The following USP9X variants were observed in gnomAD, a reference collection of about 807,000 sequenced individuals.
USP9X encodes ubiquitin specific peptidase 9 X-linked.
Under a neutral mutation model 190.3 loss-of-function variants are expected in USP9X, and 7 were observed. The observed-to-expected ratio is 0.04, with a 90% CI of 0.02 to 0.07. USP9X has a LOEUF of 0.07. USP9X is among the 10% of genes least tolerant of loss of function. USP9X has a pLI of 1.00. For missense variants in USP9X, 1,010 were observed against 1,916.9 expected, an observed-to-expected ratio of 0.53 and a Z score of 8.83; for synonymous variants, 645 against 659.5, an observed-to-expected ratio of 0.98 and a Z score of 0.34.
Position 41,184,582 on chromosome X carries a change from C to G in USP9X, c.3465C>G (p.Ala1155=), listed in dbSNP as rs768974141. The part of the protein sequence containing the change: ...RGAYLNALKI[A]KLLLTAIGYG... Reference sequence around the variant, plus strand: ...CCTACCTCAATGCTCTTAAAATAGCCAAGCTTTTGCTAACTGCCATTGGCT... The same window carrying G: ...CCTACCTCAATGCTCTTAAAATAGCGAAGCTTTTGCTAACTGCCATTGGCT... Residue 1155 remains alanine (A), a synonymous_variant, in exon 23 of 45, where the codon GCC becomes GCG. Transcript: ENST00000378308. 2 of 1,211,436 alleles carry G rather than the reference C, an allele frequency of 1.7e-6. No homozygotes were observed. The highest frequency in any genetic ancestry group is 2.2e-6 in the Non-Finnish European group (2 of 895,300).
intron 44 of USP9X, among the ~76,000 whole-genome samples, chrX:41,231,725 C>T (rs2063361373): frequency 9.8e-6 from 1 of 102,270 alleles, no homozygotes; most frequent in African/African-American, 3.7e-5. Context: ...AGCGAAACTC[C>T]CATCTCAAAA....
intron 43 of USP9X, among the ~76,000 whole-genome samples, chrX:41,230,232 A>T (rs28581336): frequency 3.6e-4 from 40 of 111,451 alleles, no homozygotes; most frequent in Non-Finnish European, 6.8e-4. Context: ...TGTTTATTCT[A>T]TGTCATTTTA....
At chrX:41,137,521 T>G (rs1182217623) in intron 6 of USP9X, among the ~76,000 whole-genome samples, 2 of 111,724 alleles carry the variant, frequency 1.8e-5, no homozygotes, top group Non-Finnish European at 3.8e-5. Context: ...GTAAACAGAC[T>G]GTACACTTTA....
At chrX:41,196,887 G>A (rs887639397) in intron 28 of USP9X, 149 bp downstream of exon 28, 6 of 442,870 alleles carry the variant, frequency 1.4e-5, no homozygotes, top group Non-Finnish European at 2.1e-5. Flanking sequence ...ATCAGTGGAC[G>A]TTAGTAATCT....
intron 34 of USP9X, among the ~76,000 whole-genome samples, chrX:41,214,960 C>T (rs1310366253): frequency 1.8e-5 from 2 of 111,953 alleles, no homozygotes; most frequent in African/African-American, 3.2e-5. Context: ...AAAGTCATAA[C>T]GTGATAGCAC....
Position 41,219,149 on chromosome X carries a change from A to G in USP9X, c.6483A>G (p.Leu2161=). 2 of 1,210,980 alleles carry G rather than the reference A, an allele frequency of 1.7e-6. No homozygotes were observed. The highest frequency in any genetic ancestry group is 2.2e-6 in the Non-Finnish European group (2 of 894,805). ...SLSDHLLRAV[L]NLLRREVSEH... is the part of the protein sequence containing the mutation. ...GTGATCACTTACTAAGAGCAGTACT[A>G]AATCTCTTGAGAAGGGAAGTTTCAG... is the stretch of plus-strand genomic sequence containing the variant. The change falls in exon 38 of 45, where the codon CTA becomes CTG. Residue 2161 remains leucine, a synonymous_variant. Coordinates refer to ENST00000378308, the MANE Select transcript of USP9X (RefSeq NM_001039591.3).
chrX:41,206,413 A>G (rs918745002), intron 32 of USP9X, among the ~76,000 whole-genome samples: 15 of 112,250 alleles, frequency 1.3e-4, no homozygotes, highest in Non-Finnish European at 7.5e-5. Context: ...GTTGAGGTCC[A>G]TTTACCACAA....
At position 41,233,635 on chromosome X, in the gene USP9X, T is replaced by G. The variant is rs2063380058; in HGVS notation, c.*1111T>G. Reference sequence around the variant, plus strand: ...TCTCTGCACCAAGATAGCTGGCTGATTTTCTGCTCAGTCACAATTTTACTT... The same window carrying G: ...TCTCTGCACCAAGATAGCTGGCTGAGTTTCTGCTCAGTCACAATTTTACTT... On this transcript the variant is annotated 3_prime_UTR_variant, in exon 45 of 45. Transcript: ENST00000378308. The G allele has an allele frequency of 8.9e-6, 1 of 112,320 alleles. No individual in the cohort carries two copies. Among genetic ancestry groups the G allele is most frequent in the African/African-American group, 3.2e-5 (1 of 30,843 alleles). The allele number at this position is 112,320 out of a possible 1,213,427, so 9.3% of individuals were successfully genotyped here. A position where few individuals can be genotyped will look rare whatever the true frequency, so the allele number is the denominator to read the frequency against.
intron 33 of USP9X, 75 bp downstream of exon 33, chrX:41,210,757 CT>C (rs2147230493): frequency 1.0e-6 from 1 of 980,044 alleles, no homozygotes; most frequent in East Asian, 3.2e-5. Flanking sequence ...TTTACTAGTA[CT>C]TACATACAAA....
chrX:41,125,711 C>CTCTCTCTCTCTT (rs1555918340), intron 2 of USP9X, among the ~76,000 whole-genome samples: 1 of 104,625 alleles, frequency 9.6e-6, no homozygotes, highest in Non-Finnish European at 2.0e-5. Flanking sequence ...CTCTCTCTCT[C>CTCTCTCTCTCTT]TCTCTCTCGC....
Position 41,150,863 on chromosome X carries a change from GAAAAT to G in USP9X, c.1627-52_1627-48del, listed in dbSNP as rs2062518589. The G allele has an allele frequency of 2.9e-6, 3 of 1,038,404 alleles. No individual in the cohort carries two copies. In the South Asian group the frequency reaches 7.8e-5, roughly 27 times the overall value. 85.6% of individuals were successfully genotyped at this position (1,038,404 alleles called of 1,213,427 possible). A position where few individuals can be genotyped will look rare whatever the true frequency, so the allele number is the denominator to read the frequency against. On this transcript the variant is annotated intron_variant, in intron 12 of 44. Coordinates refer to ENST00000378308, the MANE Select transcript of USP9X (RefSeq NM_001039591.3). ...TATTTTATAATTCTCAAAATAATTT[GAAAAT>G]AAAATTCTCCTGAGTATTGATCTAT...
chrX:41,194,220 C>A (rs1228980477), intron 26 of USP9X, among the ~76,000 whole-genome samples: 1 of 111,631 alleles, frequency 9.0e-6, no homozygotes, highest in Non-Finnish European at 1.9e-5. Context: ...GGTTAGTACA[C>A]AGAATGTATG....
At chrX:41,128,172 T>C (rs1601954510) in intron 2 of USP9X, among the ~76,000 whole-genome samples, 1 of 112,056 alleles carries the variant, frequency 8.9e-6, no homozygotes, top group South Asian at 3.7e-4. Context: ...AGGGAAGTTA[T>C]GGAATAATTA....
chrX:41,159,400 T>C (rs1239630767), intron 14 of USP9X, among the ~76,000 whole-genome samples: 1 of 112,246 alleles, frequency 8.9e-6, no homozygotes, highest in Non-Finnish European at 1.9e-5. Context: ...TTTACCATAT[T>C]ACCCATTCCC....
intron 11 of USP9X, among the ~76,000 whole-genome samples, chrX:41,147,857 C>T (rs1601971540): frequency 8.9e-6 from 1 of 112,100 alleles, no homozygotes; most frequent in Non-Finnish European, 1.9e-5. Flanking sequence ...TAACAGAACA[C>T]CACAGACTGG....
chrX:41,175,204 C>T (rs2062763284), intron 21 of USP9X, among the ~76,000 whole-genome samples: 1 of 111,446 alleles, frequency 9.0e-6, no homozygotes, highest in African/African-American at 3.3e-5. Flanking sequence ...TCTTTCAGCA[C>T]TTGTGTGCTC....
intron 3 of USP9X, among the ~76,000 whole-genome samples, chrX:41,130,376 GT>G (rs2062298340): frequency 9.1e-6 from 1 of 110,431 alleles, no homozygotes; most frequent in Non-Finnish European, 1.9e-5. Flanking sequence ...CTGGTGGTTG[GT>G]GATTGGTAAT....
chrX:41,143,875 G>A (rs1224574537), intron 10 of USP9X, among the ~76,000 whole-genome samples: 1 of 111,641 alleles, frequency 9.0e-6, no homozygotes, highest in Admixed American at 9.5e-5. Flanking sequence ...AACCTTTTTA[G>A]TTTTTGAGTT....
At chrX:41,090,554 T>C (rs1021189469) in intron 1 of USP9X, among the ~76,000 whole-genome samples, 1 of 112,638 alleles carries the variant, frequency 8.9e-6, no homozygotes, top group Non-Finnish European at 1.9e-5. Context: ...TCAATTTTAT[T>C]CTCAATCACT....
Sources: allele counts gnomAD v4.1 joint callset (sites outside exome capture counted in the v4.1 genomes callset), GRCh38; gene constraint gnomAD v4.1.1; transcripts MANE v1.5; gene names NCBI Gene and HGNC (gene_info 2026-07-23, HGNC 2026-07-21).